CPS1: variants seen among roughly 807,000 people sequenced by gnomAD.
The protein encoded by CPS1 is carbamoyl-phosphate synthase [ammonia], mitochondrial.
CPS1 carries 109 observed loss-of-function variants against 174.6 expected under a neutral mutation model. The ratio of observed to expected loss-of-function variants is 0.62; its 90% CI spans 0.53 to 0.73. The LOEUF (loss-of-function observed/expected upper bound fraction) is 0.73, where lower values mean the gene tolerates loss of function less well. Ranked by LOEUF, CPS1 falls within the 30% of genes least tolerant of loss-of-function variation. CPS1 has a pLI of 0.00. For synonymous variants in CPS1, 637 were observed against 632.0 expected (o/e 1.01, Z -0.12); for missense variants, 1,689 against 1,821.9 (o/e 0.93, Z 1.33).
chr2:210,490,120 C>G (rs562477004), intron 1 of CPS1, among the ~76,000 whole-genome samples: 2 of 152,252 alleles, frequency 1.3e-5, no homozygotes, highest in South Asian at 2.1e-4. Flanking sequence ...TATACACAGC[C>G]TTGCTTCAGT....
intron 29 of CPS1, among the ~76,000 whole-genome samples, chr2:210,654,993 C>T (rs1700662779): frequency 6.6e-6 from 1 of 152,100 alleles, no homozygotes; most frequent in Non-Finnish European, 1.5e-5. Context: ...TTACAGCATC[C>T]CTGGAAGGTG....
intron 1 of CPS1, among the ~76,000 whole-genome samples, chr2:210,520,711 TG>T (rs1695799061): frequency 1.3e-5 from 2 of 152,120 alleles, no homozygotes; most frequent in African/African-American, 4.8e-5. Context: ...GATTATTTTT[TG>T]TCTAGCTTCT....
intron 21 of CPS1, among the ~76,000 whole-genome samples, chr2:210,623,748 G>A (rs1047188300): frequency 7.2e-5 from 11 of 152,092 alleles, no homozygotes; most frequent in Admixed American, 1.3e-4. Flanking sequence ...CAGGTGTCAC[G>A]TTAGCTGGAA....
chr2:210,519,285 A>G (rs867450095), intron 1 of CPS1, among the ~76,000 whole-genome samples: 5 of 152,066 alleles, frequency 3.3e-5, no homozygotes, highest in Non-Finnish European at 5.9e-5. Flanking sequence ...AGTTATATGA[A>G]AATTCTTTAA....
chr2:210,566,093 T>TATTCCAAGAAAGTCATGGGGC (rs1697291838), intron 1 of CPS1, among the ~76,000 whole-genome samples: 1 of 152,088 alleles, frequency 6.6e-6, no homozygotes. Context: ...GGTCATGGGG[T>TATTCCAAGAAAGTCATGGGGC]ATTCCAAGAA....
intron 25 of CPS1, among the ~76,000 whole-genome samples, chr2:210,644,673 C>T (rs1383782863): frequency 6.6e-6 from 1 of 152,102 alleles, no homozygotes; most frequent in Non-Finnish European, 1.5e-5. Flanking sequence ...CATAATACAT[C>T]TAATTTGTGC....
chr2:210,620,672 G>A (rs371583524), intron 21 of CPS1, among the ~76,000 whole-genome samples: 1 of 151,912 alleles, frequency 6.6e-6, no homozygotes, highest in Admixed American at 6.6e-5. Flanking sequence ...AGAGGGAGTC[G>A]GTGGGGGAGG....
At chr2:210,575,516 GCACACA>G (rs71395588) in intron 2 of CPS1, among the ~76,000 whole-genome samples, 81 of 145,922 alleles carry the variant, frequency 5.6e-4, no homozygotes, top group South Asian at 2.2e-3. Flanking sequence ...ATATGTATAT[GCACACA>G]CACACACACA....
intron 25 of CPS1, among the ~76,000 whole-genome samples, chr2:210,645,710 G>A (rs1243770733): frequency 6.6e-6 from 1 of 152,194 alleles, no homozygotes; most frequent in Non-Finnish European, 1.5e-5. Flanking sequence ...TTGAACCTGG[G>A]AGGCGGAGAT....
chr2:210,564,807 A>G (rs1371665107), intron 1 of CPS1, among the ~76,000 whole-genome samples: 1 of 152,012 alleles, frequency 6.6e-6, no homozygotes, highest in African/African-American at 2.4e-5. Flanking sequence ...AGCATGGCCA[A>G]CATGGTGAAA....
At position 210,592,865 on chromosome 2, in the gene CPS1, T is replaced by A; in HGVS notation, c.1087-14T>A. On this transcript the variant is annotated splice_polypyrimidine_tract_variant and intron_variant, in intron 10 of 37. Transcript: ENST00000233072. ...GTTACAGAAGGAATTTCTTCCTGTT[T>A]CTTATTCCTTTAGGGGATTATGCAT... 6.2e-7 allele frequency: 1 copy of A among 1,607,908 alleles called. No homozygotes were observed. Among genetic ancestry groups the A allele is most frequent in the African/African-American group, 1.3e-5 (1 of 74,798 alleles).
chr2:210,648,633 G>A, intron 27 of CPS1, 93 bp downstream of exon 27: 2 of 999,260 alleles, frequency 2.0e-6, no homozygotes, highest in Non-Finnish European at 3.2e-6. Context: ...GGTTCTATAT[G>A]TAGTAATTTA....
intron 6 of CPS1, among the ~76,000 whole-genome samples, chr2:210,584,457 C>T (rs1259757079): frequency 1.3e-5 from 2 of 152,034 alleles, no homozygotes; most frequent in Non-Finnish European, 2.9e-5. Flanking sequence ...CATGTGGACG[C>T]AAAATTTGAT....
At chr2:210,531,038 A>G (rs928871715) in intron 1 of CPS1, among the ~76,000 whole-genome samples, 1 of 152,078 alleles carries the variant, frequency 6.6e-6, no homozygotes, top group African/African-American at 2.4e-5. Context: ...ATAACTGGTA[A>G]TATTGCCCTA....
rs78793938 is a variant in CPS1 at position 210,634,062 on chromosome 2, G to A, written c.2688-3640G>A. Reference sequence around the variant, plus strand: ...TGCATACTTGCACATAAACAAATGAGCAATTGGTTTGGGAGCATATTCTTG... The same window carrying A: ...TGCATACTTGCACATAAACAAATGAACAATTGGTTTGGGAGCATATTCTTG... On this transcript the variant is annotated intron_variant, in intron 21 of 37. Coordinates refer to ENST00000233072, the MANE Select transcript of CPS1 (RefSeq NM_001875.5). Among the ~76,000 whole-genome samples the A allele has an allele frequency of 5.4e-3, 824 of 152,262 alleles. 5 individuals are homozygous for A. The highest frequency in any genetic ancestry group is 0.017 in the African/African-American group (702 of 41,558).
intron 10 of CPS1, among the ~76,000 whole-genome samples, chr2:210,592,347 T>C (rs1484237221): frequency 6.6e-6 from 1 of 152,090 alleles, no homozygotes; most frequent in South Asian, 2.1e-4. Context: ...TAAAACGTCA[T>C]TTCTCTCTCT....
At chr2:210,653,748 C>T (rs1325711051) in intron 28 of CPS1, among the ~76,000 whole-genome samples, 2 of 152,180 alleles carry the variant, frequency 1.3e-5, no homozygotes, top group Non-Finnish European at 2.9e-5. Context: ...CCCCTCTTTT[C>T]TCTAATTGAC....
chr2:210,640,955 G>T (rs1700204258), intron 24 of CPS1, among the ~76,000 whole-genome samples: 1 of 152,138 alleles, frequency 6.6e-6, no homozygotes, highest in South Asian at 2.1e-4. Flanking sequence ...TCTAGGGGCT[G>T]GGAAGTCCAA....
chr2:210,599,680 G>C, intron 14 of CPS1, 119 bp downstream of exon 14: 1 of 1,110,786 alleles, frequency 9.0e-7, no homozygotes, highest in Non-Finnish European at 1.3e-6. Context: ...CCTCTACTGT[G>C]TGAGAAAGCA....
Sources: gnomAD v4.1 joint callset for allele counts (sites outside exome capture counted in the v4.1 genomes callset) on GRCh38, gnomAD v4.1.1 for gene constraint, MANE v1.5 for transcripts, NCBI Gene and HGNC (gene_info 2026-07-23, HGNC 2026-07-21) for gene names.